OR51E2: variants seen among roughly 807,000 people sequenced by gnomAD.
OR51E2 encodes the protein olfactory receptor 51E2.
Under a neutral mutation model 13.7 loss-of-function variants are expected in OR51E2, and 14 were observed. That is an observed-to-expected ratio of 1.02 (90% CI 0.68 to 1.60). The LOEUF (loss-of-function observed/expected upper bound fraction) is 1.60, where lower values mean the gene tolerates loss of function less well. OR51E2 is among the 40% of genes most tolerant of loss of function. OR51E2 has a pLI of 0.00. For missense variants in OR51E2, 483 were observed against 413.8 expected, an observed-to-expected ratio of 1.17 and a Z score of -1.45; for synonymous variants, 180 against 157.6, an observed-to-expected ratio of 1.14 and a Z score of -1.07.
rs767571273 is a variant in OR51E2 at position 4,681,912 on chromosome 11, A to G, written c.800T>C (p.Leu267Pro). The G allele has an allele frequency of 6.2e-7, 1 of 1,614,150 alleles. No individual in the cohort carries two copies. ...CATGACAACACGCACAATGGGATGAAGGCTGTTTCCAAAGCGGTGTACCAC... is the reference window on the plus strand; with the variant it reads ...CATGACAACACGCACAATGGGATGAGGGCTGTTTCCAAAGCGGTGTACCAC... ...LSVVHRFGNS[L>P]HPIVRVVMGD... Residue 267 changes from leucine (L) to proline (P), a missense_variant, in exon 2 of 2, where the codon CTT (leucine) becomes CCT (proline). Leu to Pro is a moderately conservative substitution (Grantham distance 98, BLOSUM62 -3). Transcript: ENST00000396950.
At chr11:4,686,182 C>A (rs1466224779) in intron 1 of OR51E2, among the ~76,000 whole-genome samples, 1 of 152,108 alleles carries the variant, frequency 6.6e-6, no homozygotes, top group African/African-American at 2.4e-5. Context: ...TACACACCTA[C>A]CCAAACAAAC....
At chr11:4,686,250 G>T (rs1589872865) in intron 1 of OR51E2, among the ~76,000 whole-genome samples, 1 of 152,166 alleles carries the variant, frequency 6.6e-6, no homozygotes, top group South Asian at 2.1e-4. Context: ...CTTGAGAAGG[G>T]TATTTATTTA....
chr11:4,691,055 G>A, intron 1 of OR51E2: 1 of 456,730 alleles, frequency 2.2e-6, no homozygotes, highest in East Asian at 6.9e-5. Context: ...AAGAAAGGAG[G>A]ATGAGAAGTA....
At chr11:4,694,562 A>G (rs1263335104) in intron 1 of OR51E2, among the ~76,000 whole-genome samples, 3 of 95,252 alleles carry the variant, frequency 3.1e-5, no homozygotes, top group South Asian at 6.9e-4. Flanking sequence ...ACACACACAC[A>G]TACATATATA....
At position 4,682,420 on chromosome 11, in the gene OR51E2, T is replaced by C. The variant is rs765262311; in HGVS notation, c.292A>G (p.Thr98Ala). ...SREISFEACL[T>A]QMFFIHALSA... ...AGGGCATGAATAAAGAACATCTGGG[T>C]AAGACAGGCCTCAAAGCTAATCTCT... The change falls in exon 2 of 2, where the codon ACC (threonine) becomes GCC (alanine). Residue 98 changes from threonine (T) to alanine (A), a missense_variant. Thr to Ala is a moderately conservative substitution (Grantham distance 58). Transcript: ENST00000396950. 1 of 1,614,090 alleles carries C rather than the reference T, an allele frequency of 6.2e-7. No homozygotes were observed. The highest frequency in any genetic ancestry group is 2.2e-5 in the East Asian group (1 of 44,856).
Position 4,683,616 on chromosome 11 carries a change from T to C in OR51E2, c.-50-855A>G, listed in dbSNP as rs944481721. Among the ~76,000 whole-genome samples the C allele has an allele frequency of 2.0e-5, 3 of 152,312 alleles. No individual in the cohort carries two copies. In the East Asian group the frequency reaches 5.8e-4, roughly 29 times the overall value. ...AGGCCATTTTAATTGCATCCAAGGA[T>C]AGTTTGAGTTGAGTCCTTACTTTGG... On this transcript the variant is annotated intron_variant, in intron 1 of 1. Transcript: ENST00000396950.
intron 1 of OR51E2, chr11:4,684,992 G>A (rs1322755815): frequency 6.6e-6 from 1 of 152,242 alleles, no homozygotes; most frequent in African/African-American, 2.4e-5. Flanking sequence ...CAGTATGTGG[G>A]GTCTTCAAGG....
chr11:4,685,787 C>G (rs550509875), intron 1 of OR51E2: 3 of 152,334 alleles, frequency 2.0e-5, no homozygotes, highest in African/African-American at 7.2e-5. Flanking sequence ...CCCCAACTAC[C>G]TTCTCCAGGA....
intron 1 of OR51E2, among the ~76,000 whole-genome samples, chr11:4,694,608 G>A (rs1351855846): frequency 1.4e-5 from 2 of 147,464 alleles, no homozygotes; most frequent in African/African-American, 2.5e-5. Flanking sequence ...ACATATGCAG[G>A]GAGCTGAGCT....
intron 1 of OR51E2, chr11:4,690,358 C>T (rs1410206083): frequency 1.3e-5 from 2 of 152,898 alleles, no homozygotes; most frequent in African/African-American, 2.4e-5. Context: ...ATTACTAGAA[C>T]AGTTGGAAAA....
intron 1 of OR51E2, among the ~76,000 whole-genome samples, chr11:4,693,178 C>A (rs368335539): frequency 6.6e-6 from 1 of 152,116 alleles, no homozygotes; most frequent in African/African-American, 2.4e-5. Flanking sequence ...GGTCATTCCA[C>A]AATGCATACA....
chr11:4,692,141 G>T, intron 1 of OR51E2: 1 of 451,604 alleles, frequency 2.2e-6, no homozygotes, highest in South Asian at 1.6e-5. Context: ...TGGGGCTGTG[G>T]AACAGCAATA....
In OR51E2 at chr11:4,682,294, T is replaced by C; in HGVS notation, c.418A>G (p.Thr140Ala). Residue 140 changes from threonine (T) to alanine (A), a missense_variant, in exon 2 of 2, where the codon ACA becomes GCA. By Grantham distance (58) the Thr-to-Ala change is moderately conservative. Coordinates refer to ENST00000396950, the MANE Select transcript of OR51E2 (RefSeq NM_030774.4). ...ACAGCCACGATGCCAATCTGGGCTG[T>C]TACTGTATTGTTGAGCACTGCAGCA... ...RHAAVLNNTV[T>A]AQIGIVAVVR... is the part of the protein sequence containing the mutation. The C allele has an allele frequency of 6.2e-7, 1 of 1,614,118 alleles. No homozygotes were observed. The highest frequency in any genetic ancestry group is 8.5e-7 in the Non-Finnish European group (1 of 1,180,028).
chr11:4,697,399 A>T (rs1196320555), intron 1 of OR51E2, among the ~76,000 whole-genome samples: 1 of 152,242 alleles, frequency 6.6e-6, no homozygotes, highest in Admixed American at 6.5e-5. Context: ...ACTGACTGTG[A>T]TAAATATATC....
At chr11:4,691,356 A>C (rs1384601074) in intron 1 of OR51E2, 2 of 457,914 alleles carry the variant, frequency 4.4e-6, no homozygotes, top group South Asian at 3.1e-5. Flanking sequence ...GGCCAACAGC[A>C]CTGAGGATTC....
chr11:4,694,687 G>T (rs925494381), intron 1 of OR51E2, among the ~76,000 whole-genome samples: 1 of 151,790 alleles, frequency 6.6e-6, no homozygotes, highest in African/African-American at 2.4e-5. Flanking sequence ...TCTACTACAT[G>T]CCAGACAGCG....
At position 4,682,298 on chromosome 11, in the gene OR51E2, T is replaced by A. The variant is rs192316891; in HGVS notation, c.414A>T (p.Thr138=). The change falls in exon 2 of 2, where the codon ACA becomes ACT. Residue 138 remains threonine (T), a synonymous_variant. Transcript: ENST00000396950. Reference sequence around the variant, plus strand: ...CCACGATGCCAATCTGGGCTGTTACTGTATTGTTGAGCACTGCAGCATGGC... The same window carrying A: ...CCACGATGCCAATCTGGGCTGTTACAGTATTGTTGAGCACTGCAGCATGGC... ...PLRHAAVLNN[T]VTAQIGIVAV... is the part of the protein sequence containing the mutation. The A allele has an allele frequency of 4.3e-6, 7 of 1,614,156 alleles. No homozygotes were observed. In the East Asian group the frequency reaches 1.3e-4, roughly 31 times the overall value.
chr11:4,694,047 G>A (rs1847621123), intron 1 of OR51E2, among the ~76,000 whole-genome samples: 1 of 152,140 alleles, frequency 6.6e-6, no homozygotes, highest in South Asian at 2.1e-4. Context: ...CAATATCTGA[G>A]TTGTAATTTT....
intron 1 of OR51E2, among the ~76,000 whole-genome samples, chr11:4,693,593 C>T (rs912277368): frequency 6.6e-6 from 1 of 152,016 alleles, no homozygotes; most frequent in African/African-American, 2.4e-5. Context: ...TGGTGGCGGG[C>T]GCCTGTAGTT....
Sources: gnomAD v4.1 joint callset for allele counts (sites outside exome capture counted in the v4.1 genomes callset) on GRCh38, gnomAD v4.1.1 for gene constraint, MANE v1.5 for transcripts, NCBI Gene and HGNC (gene_info 2026-07-23, HGNC 2026-07-21) for gene names.